The following ANKRD50 variants were observed in gnomAD, a reference collection of about 807,000 sequenced individuals.
ANKRD50 encodes the protein ankyrin repeat domain-containing protein 50.
Under a neutral mutation model 112.0 loss-of-function variants are expected in ANKRD50, and 40 were observed. That is an observed-to-expected ratio of 0.36 (90% CI 0.28 to 0.46). The LOEUF (loss-of-function observed/expected upper bound fraction) is 0.46, where lower values mean the gene tolerates loss of function less well. ANKRD50 is among the 20% of genes least tolerant of loss of function. ANKRD50 has a pLI of 1.00. For synonymous variants in ANKRD50, 613 were observed against 619.1 expected (o/e 0.99, Z 0.15); for missense variants, 1,487 against 1,701.7 (o/e 0.87, Z 2.22).
intron 2 of ANKRD50, among the ~76,000 whole-genome samples, chr4:124,702,416 C>T (rs1266606904): frequency 6.6e-6 from 1 of 152,106 alleles, no homozygotes; most frequent in African/African-American, 2.4e-5. Context: ...AGAAGACAGT[C>T]AAAGAAAACT....
chr4:124,689,941 T>C (rs1233304625), intron 2 of ANKRD50, among the ~76,000 whole-genome samples: 1 of 152,212 alleles, frequency 6.6e-6, no homozygotes, highest in Non-Finnish European at 1.5e-5. Context: ...TTAAAATGTG[T>C]ATTCTATATC....
At chr4:124,674,411 A>G (rs569398884) in intron 3 of ANKRD50, among the ~76,000 whole-genome samples, 1 of 152,052 alleles carries the variant, frequency 6.6e-6, no homozygotes, top group East Asian at 1.9e-4. Context: ...AATAAAGGAG[A>G]GCTACATTTA....
At chr4:124,679,685 C>T (rs2110513227) in intron 2 of ANKRD50, among the ~76,000 whole-genome samples, 1 of 152,300 alleles carries the variant, frequency 6.6e-6, no homozygotes, top group Middle Eastern at 3.4e-3. Flanking sequence ...ACACCAGAAA[C>T]TTACAAATAA....
At chr4:124,692,486 T>C (rs35958270) in intron 2 of ANKRD50, among the ~76,000 whole-genome samples, 27,657 of 152,048 alleles carry the variant, frequency 0.18, 2,609 homozygotes, top group South Asian at 0.24. Flanking sequence ...TCAAGCTAAA[T>C]ATAAAAAAAT....
Position 124,669,957 on chromosome 4 carries a change from C to A in ANKRD50, c.3320G>T (p.Gly1107Val). Residue 1107 changes from glycine (G) to valine (V), a missense_variant, in exon 4 of 5, where the codon GGC (glycine) becomes GTC (valine). Around this residue, in one of 2 missense-constraint regions of ANKRD50, gnomAD observed 441 missense variants for 432.2 expected, o/e 1.02. Coordinates refer to ENST00000504087, the MANE Select transcript of ANKRD50 (RefSeq NM_020337.3). The part of the protein sequence containing the change: ...LEKYGASSLN[G>V]CSPSPVHTME... Reference sequence around the variant, plus strand: ...TGTGTGAACAGGAGATGGGGAACAGCCATTCAAACTAGATGCACCATATTT... The same window carrying A: ...TGTGTGAACAGGAGATGGGGAACAGACATTCAAACTAGATGCACCATATTT... 1 of 1,611,916 alleles carries A rather than the reference C, an allele frequency of 6.2e-7. No individual in the cohort carries two copies. The highest frequency in any genetic ancestry group is 1.3e-5 in the African/African-American group (1 of 74,816).
Position 124,671,259 on chromosome 4 carries a change from G to C in ANKRD50, c.2018C>G (p.Ala673Gly), listed in dbSNP as rs1489256627. The C allele has an allele frequency of 6.2e-7, 1 of 1,613,602 alleles. No individual in the cohort carries two copies. The highest frequency in any genetic ancestry group is 8.5e-7 in the Non-Finnish European group (1 of 1,179,800). ...LLQHGAEVNK[A>G]DNEGRTALIA... ...CAAAGCAGTTCTACCTTCATTATCA[G>C]CTTTGTTCACTTCAGCGCCATGTTG... Residue 673 changes from alanine to glycine, a missense_variant, in exon 4 of 5, where the codon GCT becomes GGT. Physicochemically the swap from Ala to Gly is moderately conservative, Grantham distance 60. This residue lies in a region of ANKRD50 where 1,046 missense variants were observed against 1,269.5 expected (regional missense o/e 0.82). Transcript: ENST00000504087.
rs1305598126 is a variant in ANKRD50, at chr4:124,671,998, A to G, written c.1279T>C (p.Cys427Arg). 6.2e-7 allele frequency: 1 copy of G among 1,613,948 alleles called. No individual in the cohort carries two copies. Among genetic ancestry groups the G allele is most frequent in the Non-Finnish European group, 8.5e-7 (1 of 1,179,872 alleles). ...ATTCTGTGTCCTTCTGCTGCATTAC[A>G]TAAATACTTCTGAGTACAGTGTTTC... ...DVKHCTQKYL[C>R]NAAEGHRMLA... The change falls in exon 4 of 5, where the codon TGT becomes CGT. Residue 427 changes from cysteine to arginine, a missense_variant. Coordinates refer to ENST00000504087, the MANE Select transcript of ANKRD50 (RefSeq NM_020337.3).
chr4:124,678,976 T>A, intron 2 of ANKRD50, 71 bp from the exon 3 acceptor site: 1 of 1,092,646 alleles, frequency 9.2e-7, no homozygotes, highest in Non-Finnish European at 1.3e-6. Flanking sequence ...TATTCAAACA[T>A]TAGAGTATTA....
intron 2 of ANKRD50, among the ~76,000 whole-genome samples, chr4:124,689,044 A>C (rs1162071780): frequency 6.6e-6 from 1 of 152,152 alleles, no homozygotes; most frequent in Non-Finnish European, 1.5e-5. Flanking sequence ...CTCTATGTAT[A>C]CACTCCTATA....
intron 2 of ANKRD50, among the ~76,000 whole-genome samples, chr4:124,707,087 T>A (rs528100395): frequency 6.6e-6 from 1 of 152,186 alleles, no homozygotes; most frequent in Non-Finnish European, 1.5e-5. Context: ...TAAAAAGTAA[T>A]AATGCAAAAA....
At position 124,670,039 on chromosome 4, in the gene ANKRD50, T is replaced by C. The variant is rs796080274; in HGVS notation, c.3238A>G (p.Thr1080Ala). 6.2e-7 allele frequency: 1 copy of C among 1,611,440 alleles called. No homozygotes were observed. The highest frequency in any genetic ancestry group is 8.5e-7 in the Non-Finnish European group (1 of 1,179,352). Reference protein sequence around the residue: ...DPNHADQFGRTAMRVAAKNGH... With the variant: ...DPNHADQFGRAAMRVAAKNGH... Reference sequence around the variant, plus strand: ...TTTTTGGCTGCAACACGCATAGCAGTGCGTCCAAATTGATCAGCATGGTTT... The same window carrying C: ...TTTTTGGCTGCAACACGCATAGCAGCGCGTCCAAATTGATCAGCATGGTTT... The change falls in exon 4 of 5, where the codon ACT becomes GCT. Residue 1080 changes from threonine to alanine, a missense_variant. Around this residue, in one of 2 missense-constraint regions of ANKRD50, gnomAD observed 441 missense variants for 432.2 expected, o/e 1.02. Transcript: ENST00000504087.
At chr4:124,691,635 T>C (rs1200487504) in intron 2 of ANKRD50, among the ~76,000 whole-genome samples, 1 of 152,020 alleles carries the variant, frequency 6.6e-6, no homozygotes, top group Non-Finnish European at 1.5e-5. Context: ...GTAGCAAGGA[T>C]TTCCCATTTC....
intron 2 of ANKRD50, among the ~76,000 whole-genome samples, chr4:124,688,862 T>C (rs535095714): frequency 6.6e-6 from 1 of 152,316 alleles, no homozygotes; most frequent in Admixed American, 6.5e-5. Context: ...CTGCACTTGG[T>C]TCTTTAAACA....
intron 2 of ANKRD50, among the ~76,000 whole-genome samples, chr4:124,700,945 T>C (rs1725375803): frequency 6.6e-6 from 1 of 152,178 alleles, no homozygotes. Context: ...TGAGCCAGAA[T>C]TAAAAGATAG....
In ANKRD50 at chr4:124,672,083, A is replaced by G; in HGVS notation, c.1194T>C (p.Asp398=). ...KLDILSKLLV[D]GLGNTKILFH... is the part of the protein sequence containing the mutation. Reference sequence around the variant, plus strand: ...ACAGTATTTTTGTATTTCCTAGTCCATCAACAAGAAGTTTGGAGAGGATAT... The same window carrying G: ...ACAGTATTTTTGTATTTCCTAGTCCGTCAACAAGAAGTTTGGAGAGGATAT... Residue 398 remains aspartate, a synonymous_variant, in exon 4 of 5, where the codon GAT becomes GAC. Transcript: ENST00000504087. The G allele has an allele frequency of 6.2e-7, 1 of 1,613,872 alleles. No individual in the cohort carries two copies. Among genetic ancestry groups the G allele is most frequent in the Non-Finnish European group, 8.5e-7 (1 of 1,179,860 alleles).
intron 1 of ANKRD50, 21 bp downstream of exon 1, chr4:124,712,437 C>T (rs914881999): frequency 4.4e-5 from 7 of 159,796 alleles, no homozygotes; most frequent in Non-Finnish European, 6.8e-5. Flanking sequence ...GCTTCCACCG[C>T]CGCCGCCGCC....
chr4:124,672,832 CA>C (rs1473354592), intron 3 of ANKRD50, among the ~76,000 whole-genome samples: 3 of 151,998 alleles, frequency 2.0e-5, no homozygotes, highest in African/African-American at 7.2e-5. Context: ...GACAGTCTTA[CA>C]TAACCATAAA....
chr4:124,671,838 G>A lies in ANKRD50; in HGVS notation c.1439C>T (p.Thr480Ile). ...ELALWMIWNG[T>I]PVRDSLSTLI... is the part of the protein sequence containing the mutation. ...AGTAGAAAGGGAATCTCTGACAGGT[G>A]TACCATTCCATATCATCCACAGAGC... Residue 480 changes from threonine to isoleucine, a missense_variant, in exon 4 of 5, where the codon ACA (threonine) becomes ATA (isoleucine). Thr to Ile is a moderately conservative substitution (Grantham distance 89, BLOSUM62 -1). Transcript: ENST00000504087. 3 of 1,613,856 alleles carry A rather than the reference G, an allele frequency of 1.9e-6. No homozygotes were observed. The highest frequency in any genetic ancestry group is 2.5e-6 in the Non-Finnish European group (3 of 1,179,868).
At chr4:124,675,665 C>G (rs1000722077) in intron 3 of ANKRD50, among the ~76,000 whole-genome samples, 1 of 151,612 alleles carries the variant, frequency 6.6e-6, no homozygotes, top group Non-Finnish European at 1.5e-5. Context: ...AAAATATGTT[C>G]TAAATGGAGC....
Sources: allele counts gnomAD v4.1 joint callset (sites outside exome capture counted in the v4.1 genomes callset), GRCh38; gene constraint gnomAD v4.1.1; regional missense constraint gnomAD v4.1.1; transcripts MANE v1.5; gene names NCBI Gene and HGNC (gene_info 2026-07-23, HGNC 2026-07-21).